GULP1: variants seen among roughly 807,000 people sequenced by gnomAD.
The protein encoded by GULP1 is PTB domain-containing engulfment adapter protein 1.
Under a neutral mutation model 40.9 loss-of-function variants are expected in GULP1, and 19 were observed. That is an observed-to-expected ratio of 0.46 (90% CI 0.32 to 0.68). The LOEUF (loss-of-function observed/expected upper bound fraction) is 0.68, where lower values mean the gene tolerates loss of function less well. Among genes scored for constraint, GULP1 ranks in the 30% least tolerant of loss-of-function variants. The pLI is 0.03. For synonymous variants in GULP1, 119 were observed against 117.6 expected, an observed-to-expected ratio of 1.01 and a Z score of -0.08; for missense variants, 312 against 362.2, an observed-to-expected ratio of 0.86 and a Z score of 1.12.
intron 7 of GULP1, among the ~76,000 whole-genome samples, chr2:188,565,796 A>G (rs922964739): frequency 4.6e-5 from 7 of 152,168 alleles, no homozygotes; most frequent in Non-Finnish European, 7.4e-5. Flanking sequence ...CCATAGTACA[A>G]TGGATAAATC....
At chr2:188,533,086 G>C (rs1391155226) in intron 6 of GULP1, among the ~76,000 whole-genome samples, 1 of 152,028 alleles carries the variant, frequency 6.6e-6, no homozygotes, top group Non-Finnish European at 1.5e-5. Context: ...GATTTATTAG[G>C]TTATTCCTTA....
At chr2:188,502,125 C>G (rs540529440) in intron 4 of GULP1, among the ~76,000 whole-genome samples, 2 of 151,726 alleles carry the variant, frequency 1.3e-5, no homozygotes, top group African/African-American at 2.4e-5. Context: ...ATATCCCTAG[C>G]GGTGTAAGAG....
At chr2:188,400,213 A>G (rs1386612138) in intron 2 of GULP1, among the ~76,000 whole-genome samples, 4 of 152,108 alleles carry the variant, frequency 2.6e-5, no homozygotes, top group South Asian at 2.1e-4. Context: ...CTCTGCTTCC[A>G]TCTTGACATG....
At chr2:188,438,659 A>C (rs1281587059) in intron 2 of GULP1, among the ~76,000 whole-genome samples, 1 of 143,378 alleles carries the variant, frequency 7.0e-6, no homozygotes, top group East Asian at 2.0e-4. Flanking sequence ...GCCACATAGA[A>C]TATATATATC....
At chr2:188,417,832 C>T (rs2054786664) in intron 2 of GULP1, among the ~76,000 whole-genome samples, 1 of 152,080 alleles carries the variant, frequency 6.6e-6, no homozygotes, top group African/African-American at 2.4e-5. Flanking sequence ...TCACTGTCAC[C>T]TAGGCTAAAG....
intron 7 of GULP1, among the ~76,000 whole-genome samples, chr2:188,558,255 A>G (rs1695320354): frequency 6.6e-6 from 1 of 152,158 alleles, no homozygotes; most frequent in African/African-American, 2.4e-5. Flanking sequence ...GTGGGAGATC[A>G]TTTGAATCAT....
chr2:188,338,791 A>G (rs528473149), intron 1 of GULP1, among the ~76,000 whole-genome samples: 1 of 152,316 alleles, frequency 6.6e-6, no homozygotes, highest in African/African-American at 2.4e-5. Flanking sequence ...GTCCAGTACT[A>G]GTGCCAGGCT....
At chr2:188,362,569 C>T (rs1336264264) in intron 1 of GULP1, among the ~76,000 whole-genome samples, 8 of 152,054 alleles carry the variant, frequency 5.3e-5, no homozygotes, top group Non-Finnish European at 8.8e-5. Context: ...GCCTGCAGGA[C>T]GTACAGGTAA....
intron 2 of GULP1, among the ~76,000 whole-genome samples, chr2:188,459,669 T>A (rs2059546758): frequency 6.6e-6 from 1 of 152,162 alleles, no homozygotes; most frequent in African/African-American, 2.4e-5. Flanking sequence ...ATTTGTCCAT[T>A]TTGCTTGGGT....
chr2:188,400,256 C>T lies in GULP1; in HGVS notation c.-45+16367C>T, dbSNP rs566466752. 1.4e-4 allele frequency among the ~76,000 whole-genome samples: 22 copies of T among 152,254 alleles called. No homozygotes were observed. In the South Asian group the frequency reaches 4.4e-3, roughly 30 times the overall value. On this transcript the variant is annotated intron_variant, in intron 2 of 11. Coordinates refer to ENST00000409830, the MANE Select transcript of GULP1 (RefSeq NM_016315.4). ...TCCCTGTGTTTCTCTATATTCTTTC[C>T]TCTTCTTATAAACATATCAGTCATT...
At chr2:188,544,580 G>C (rs1188236657) in intron 7 of GULP1, among the ~76,000 whole-genome samples, 1 of 151,510 alleles carries the variant, frequency 6.6e-6, no homozygotes, top group Non-Finnish European at 1.5e-5. Context: ...GAAAAATAAA[G>C]TAATGACATG....
chr2:188,419,231 T>C (rs1251086263), intron 2 of GULP1, among the ~76,000 whole-genome samples: 1 of 152,042 alleles, frequency 6.6e-6, no homozygotes, highest in Admixed American at 6.5e-5. Context: ...TATTAATTTC[T>C]AGAACATATA....
chr2:188,475,137 G>C (rs574027214), intron 2 of GULP1, among the ~76,000 whole-genome samples: 19 of 152,072 alleles, frequency 1.2e-4, no homozygotes, highest in Non-Finnish European at 2.5e-4. Flanking sequence ...ATACTTTCTG[G>C]TGGAGTTGTA....
chr2:188,480,678 T>A (rs2061378682), intron 3 of GULP1, among the ~76,000 whole-genome samples: 2 of 151,156 alleles, frequency 1.3e-5, no homozygotes, highest in African/African-American at 4.8e-5. Flanking sequence ...TTGTTTTAGA[T>A]TTTTTCCCAA....
At position 188,440,664 on chromosome 2, in the gene GULP1, A is replaced by G. The variant is rs57762375; in HGVS notation, c.-44-36995A>G. The stretch of plus-strand genomic sequence containing the variant: ...ACTGCAACCTTCGCCTCCTGGGTTC[A>G]AGCATTTCTCTCGCCTCAGCCTCCT... On this transcript the variant is annotated intron_variant, in intron 2 of 11. Transcript: ENST00000409830. Among the ~76,000 whole-genome samples the G allele has an allele frequency of 5.2e-3, 793 of 152,276 alleles. 6 individuals are homozygous for G. The highest frequency in any genetic ancestry group is 0.017 in the African/African-American group (725 of 41,552).
chr2:188,534,246 T>C (rs1214277779), intron 6 of GULP1, among the ~76,000 whole-genome samples: 2 of 152,196 alleles, frequency 1.3e-5, no homozygotes, highest in Non-Finnish European at 2.9e-5. Context: ...TAGATGCCTC[T>C]CAATGGTGGA....
intron 1 of GULP1, among the ~76,000 whole-genome samples, chr2:188,299,495 A>G (rs552451424): frequency 7.9e-5 from 12 of 152,318 alleles, no homozygotes; most frequent in African/African-American, 2.9e-4. Flanking sequence ...TTCACTTAAT[A>G]TACATTTGAA....
intron 2 of GULP1, among the ~76,000 whole-genome samples, chr2:188,393,810 T>A (rs1244900131): frequency 6.6e-6 from 1 of 152,174 alleles, no homozygotes; most frequent in Non-Finnish European, 1.5e-5. Context: ...ACAAAATTAT[T>A]GGCTGACAGT....
At chr2:188,367,985 C>T (rs1201457801) in intron 1 of GULP1, among the ~76,000 whole-genome samples, 1 of 152,078 alleles carries the variant, frequency 6.6e-6, no homozygotes, top group Non-Finnish European at 1.5e-5. Flanking sequence ...TCACCCTTTT[C>T]ATCTCTTTCT....
Sources: gnomAD v4.1 joint callset for allele counts (sites outside exome capture counted in the v4.1 genomes callset) on GRCh38, gnomAD v4.1.1 for gene constraint, MANE v1.5 for transcripts, NCBI Gene and HGNC (gene_info 2026-07-23, HGNC 2026-07-21) for gene names.